The following CCDC15 variants were observed in gnomAD, a reference collection of about 807,000 sequenced individuals.
The protein encoded by CCDC15 is coiled-coil domain-containing protein 15.
In CCDC15, 105 loss-of-function variants were observed where a neutral mutation model predicts 114.5. The observed-to-expected ratio is 0.92, with a 90% CI of 0.78 to 1.08. The LOEUF (loss-of-function observed/expected upper bound fraction) is 1.08. Ranked by LOEUF, CCDC15 falls within the 50% of genes least tolerant of loss-of-function variation. The pLI, the probability that CCDC15 is intolerant of heterozygous loss-of-function variation, is 0.00. For missense variants in CCDC15, 1,105 were observed against 1,093.6 expected, an observed-to-expected ratio of 1.01 and a Z score of -0.15; for synonymous variants, 334 against 377.8, an observed-to-expected ratio of 0.88 and a Z score of 1.34.
chr11:124,997,525 G>C (rs989437593), intron 11 of CCDC15, among the ~76,000 whole-genome samples: 3 of 152,188 alleles, frequency 2.0e-5, no homozygotes, highest in Non-Finnish European at 4.4e-5. Context: ...CCGGCCTCAA[G>C]TGATCCTCCT....
chr11:125,036,058 C>A (rs1185503824), intron 13 of CCDC15, among the ~76,000 whole-genome samples: 2 of 145,000 alleles, frequency 1.4e-5, no homozygotes, highest in African/African-American at 2.6e-5. Context: ...TGTGTACTTA[C>A]TATTACTAGT....
chr11:125,011,037 A>T (rs116066693), intron 13 of CCDC15, among the ~76,000 whole-genome samples: 2,214 of 152,102 alleles, frequency 0.015, 56 homozygotes, highest in African/African-American at 0.05. Flanking sequence ...AGCACCATTT[A>T]TTGAATAAGG....
intron 11 of CCDC15, among the ~76,000 whole-genome samples, chr11:125,003,106 C>T (rs1948505044): frequency 6.6e-6 from 1 of 151,918 alleles, no homozygotes; most frequent in Admixed American, 6.6e-5. Flanking sequence ...ATAAAATTCA[C>T]ACTTCCTCTG....
At chr11:124,959,354 T>G (rs1286051231) in intron 3 of CCDC15, 90 bp downstream of exon 3, 6 of 1,074,868 alleles carry the variant, frequency 5.6e-6, no homozygotes. Context: ...ATTGCTTTCC[T>G]TTGATTACAT....
At chr11:124,973,671 TAGG>T (rs1262034847) in intron 4 of CCDC15, among the ~76,000 whole-genome samples, 1 of 152,120 alleles carries the variant, frequency 6.6e-6, no homozygotes, top group Non-Finnish European at 1.5e-5. Context: ...TCGTCCAGGT[TAGG>T]GTGCGGTGGC....
chr11:124,992,034 A>T (rs1230400755), intron 9 of CCDC15, among the ~76,000 whole-genome samples: 3 of 152,204 alleles, frequency 2.0e-5, no homozygotes, highest in Non-Finnish European at 4.4e-5. Context: ...GATGATCCTA[A>T]GTCCTATTAG....
rs148107928 is a variant in CCDC15 at position 124,989,538 on chromosome 11, T to A, written c.1908+1404T>A. 1.5e-4 allele frequency among the ~76,000 whole-genome samples: 23 copies of A among 152,364 alleles called. No individual in the cohort carries two copies. The East Asian group carries it at 3.9e-3, about 26-fold the overall frequency. ...TGAAACTTTGAAGCCAGACATTGAC[T>A]TTTTCTCTCTAGCTGTGAAACTCCT... On this transcript the variant is annotated intron_variant, in intron 8 of 15. Transcript: ENST00000344762.
chr11:125,029,849 T>A (rs974843229), intron 13 of CCDC15, among the ~76,000 whole-genome samples: 9 of 152,204 alleles, frequency 5.9e-5, no homozygotes, highest in Admixed American at 4.6e-4. Flanking sequence ...TACTAAGAGA[T>A]GCCGTAATGG....
At position 124,988,054 on chromosome 11, in the gene CCDC15, C is replaced by G. The variant is rs1448393221; in HGVS notation, c.1828C>G (p.Pro610Ala). Residue 610 changes from proline (P) to alanine (A), a missense_variant, in exon 8 of 16, where the codon CCC becomes GCC. Transcript: ENST00000344762. ...LPICQDRDFL[P>A]RDLHVLSNDQ... ...CATATGTCAGGACCGGGATTTTCTACCCAGAGACCTGCATGTTCTCTCCAA... is the reference window on the plus strand; with the variant it reads ...CATATGTCAGGACCGGGATTTTCTAGCCAGAGACCTGCATGTTCTCTCCAA... 4 of 1,613,908 alleles carry G rather than the reference C, an allele frequency of 2.5e-6. No homozygotes were observed. Among genetic ancestry groups the G allele is most frequent in the Non-Finnish European group, 2.5e-6 (3 of 1,179,846 alleles).
At chr11:124,988,155 G>C in intron 8 of CCDC15, 21 bp downstream of exon 8, 1 of 1,584,500 alleles carries the variant, frequency 6.3e-7, no homozygotes, top group East Asian at 2.2e-5. Flanking sequence ...GCAGAAAGGA[G>C]ATACAAAAAG....
intron 6 of CCDC15, among the ~76,000 whole-genome samples, chr11:124,985,821 T>C (rs1222788828): frequency 2.0e-5 from 3 of 151,866 alleles, no homozygotes; most frequent in African/African-American, 7.2e-5. Flanking sequence ...CTGTAGACTG[T>C]TATCTTACTT....
intron 13 of CCDC15, 121 bp downstream of exon 13, chr11:125,005,333 A>C (rs1241589256): frequency 6.1e-6 from 3 of 494,268 alleles, no homozygotes; most frequent in Non-Finnish European, 7.2e-6. Context: ...GCTATTTTTG[A>C]TCTGGGTGAA....
chr11:124,966,335 T>C (rs1459548859), intron 4 of CCDC15, among the ~76,000 whole-genome samples: 2 of 152,224 alleles, frequency 1.3e-5, no homozygotes, highest in Non-Finnish European at 2.9e-5. Flanking sequence ...CTGTATTGGG[T>C]GTATATACAT....
At chr11:124,968,635 G>A (rs1159369335) in intron 4 of CCDC15, among the ~76,000 whole-genome samples, 2 of 152,120 alleles carry the variant, frequency 1.3e-5, no homozygotes, top group Non-Finnish European at 2.9e-5. Context: ...GCCCCACCCT[G>A]CTTCGGTTCA....
chr11:125,029,437 C>T (rs1471870788), intron 13 of CCDC15, among the ~76,000 whole-genome samples: 1 of 152,158 alleles, frequency 6.6e-6, no homozygotes, highest in African/African-American at 2.4e-5. Flanking sequence ...AATCCCCAAC[C>T]AAAATACTAT....
intron 13 of CCDC15, among the ~76,000 whole-genome samples, chr11:125,017,411 A>G (rs1011824829): frequency 6.6e-6 from 1 of 152,126 alleles, no homozygotes; most frequent in Non-Finnish European, 1.5e-5. Context: ...TGTTGGTCCC[A>G]TAAGATTATA....
intron 4 of CCDC15, among the ~76,000 whole-genome samples, chr11:124,973,807 T>C (rs1443610238): frequency 6.6e-6 from 1 of 151,930 alleles, no homozygotes; most frequent in African/African-American, 2.4e-5. Flanking sequence ...TTTTGTATTT[T>C]CTGTAGAGAA....
chr11:125,031,577 A>G (rs111979457), intron 13 of CCDC15, among the ~76,000 whole-genome samples: 9,583 of 152,322 alleles, frequency 0.063, 368 homozygotes, highest in African/African-American at 0.1. Flanking sequence ...ACCAAAGTCC[A>G]GTAACAGGCT....
intron 6 of CCDC15, among the ~76,000 whole-genome samples, chr11:124,982,075 G>T (rs1376717300): frequency 6.6e-6 from 1 of 151,974 alleles, no homozygotes; most frequent in Non-Finnish European, 1.5e-5. Flanking sequence ...ATTGTTATTT[G>T]TTCAGAGTCT....
Sources: gnomAD v4.1 joint callset for allele counts (sites outside exome capture counted in the v4.1 genomes callset) on GRCh38, gnomAD v4.1.1 for gene constraint, MANE v1.5 for transcripts, NCBI Gene and HGNC (gene_info 2026-07-23, HGNC 2026-07-21) for gene names.